TNIP1: variants seen among roughly 807,000 people sequenced by gnomAD.
The protein encoded by TNIP1 is TNFAIP3 interacting protein 1.
In TNIP1, 22 loss-of-function variants were observed where a neutral mutation model predicts 86.6. The observed-to-expected ratio is 0.25, with a 90% CI of 0.18 to 0.36. The LOEUF is 0.36. Among genes scored for constraint, TNIP1 ranks in the 10% least tolerant of loss-of-function variants. The pLI, the probability that TNIP1 is intolerant of heterozygous loss-of-function variation, is 1.00. For missense variants in TNIP1, 709 were observed against 820.6 expected (o/e 0.86, Z 1.66); for synonymous variants, 294 against 313.0 (o/e 0.94, Z 0.64).
intron 12 of TNIP1, among the ~76,000 whole-genome samples, chr5:151,038,830 G>A (rs930034624): frequency 2.7e-4 from 41 of 152,092 alleles, no homozygotes; most frequent in Middle Eastern, 3.2e-3. Context: ...GCAAGTGAGG[G>A]TAAAACAAAC....
intron 1 of TNIP1, among the ~76,000 whole-genome samples, chr5:151,076,896 G>A (rs984538598): frequency 3.9e-5 from 6 of 152,158 alleles, no homozygotes; most frequent in Non-Finnish European, 7.4e-5. Flanking sequence ...CTGAGTTTCC[G>A]CCACTCCAAA....
chr5:151,053,632 GT>G (rs1337936427), intron 6 of TNIP1, among the ~76,000 whole-genome samples: 1 of 152,234 alleles, frequency 6.6e-6, no homozygotes, highest in African/African-American at 2.4e-5. Context: ...AGCATACAGT[GT>G]CAGCACAGAG....
At chr5:151,039,292 C>T in intron 11 of TNIP1, 67 bp from the exon 12 acceptor site, 1 of 1,532,174 alleles carries the variant, frequency 6.5e-7, no homozygotes, top group East Asian at 2.3e-5. Context: ...GATTCTCTGT[C>T]CTGCCTGGCC....
At chr5:151,058,902 C>T (rs1761021756) in intron 5 of TNIP1, among the ~76,000 whole-genome samples, 1 of 152,218 alleles carries the variant, frequency 6.6e-6, no homozygotes, top group African/African-American at 2.4e-5. Flanking sequence ...GGAGGAATGG[C>T]AATGACTATA....
intron 1 of TNIP1, among the ~76,000 whole-genome samples, chr5:151,069,772 G>C (rs983670964): frequency 6.6e-6 from 1 of 152,188 alleles, no homozygotes. Flanking sequence ...GTCTATTCTA[G>C]TGTCTACTCT....
chr5:151,064,838 A>AG, intron 2 of TNIP1, 122 bp downstream of exon 2: 1 of 1,413,854 alleles, frequency 7.1e-7, no homozygotes, highest in Non-Finnish European at 9.8e-7. Flanking sequence ...CTGGGCCAGG[A>AG]GGGACAGGGG....
At chr5:151,039,660 C>G (rs1435175568) in intron 11 of TNIP1, among the ~76,000 whole-genome samples, 1 of 152,128 alleles carries the variant, frequency 6.6e-6, no homozygotes, top group Admixed American at 6.5e-5. Flanking sequence ...AAAGAAAAGC[C>G]ATAGTTCTGA....
chr5:151,036,798 T>C lies in TNIP1; in HGVS notation c.1387A>G (p.Lys463Glu), dbSNP rs1204277411. 5 of 1,613,950 alleles carry C rather than the reference T, an allele frequency of 3.1e-6. No homozygotes were observed. The highest frequency in any genetic ancestry group is 4.2e-6 in the Non-Finnish European group (5 of 1,179,946). ...QELVTQNELLKQQVKIFEEDF... is the reference protein window; with the variant it reads ...QELVTQNELLEQQVKIFEEDF... ...CCTCCCGGAAGCCTCACCTGCTGTT[T>C]CAGCAACTCATTCTGCGTGACCAGC... Residue 463 changes from lysine (K) to glutamate (E), a missense_variant, in exon 13 of 18, where the codon AAA (lysine) becomes GAA (glutamate). Coordinates refer to ENST00000521591, the MANE Select transcript of TNIP1 (RefSeq NM_006058.5).
chr5:151,052,827 C>T (rs871269), intron 6 of TNIP1, among the ~76,000 whole-genome samples: 56,991 of 152,002 alleles, frequency 0.37, 11,080 homozygotes, highest in East Asian at 0.56. Context: ...CCCTAACCAT[C>T]CTCTTGTTCA....
At chr5:151,039,889 C>T (rs914895801) in intron 11 of TNIP1, among the ~76,000 whole-genome samples, 5 of 152,192 alleles carry the variant, frequency 3.3e-5, no homozygotes, top group South Asian at 2.1e-4. Flanking sequence ...TTCCAGGAGG[C>T]GGTTCCATAC....
intron 1 of TNIP1, among the ~76,000 whole-genome samples, chr5:151,069,388 T>G (rs1022534794): frequency 1.2e-4 from 18 of 152,296 alleles, no homozygotes; most frequent in African/African-American, 4.3e-4. Context: ...AAATACTTCA[T>G]AGTGTCCCAA....
intron 8 of TNIP1, among the ~76,000 whole-genome samples, 172 bp downstream of exon 8, chr5:151,049,652 G>T (rs1759642111): frequency 6.6e-6 from 1 of 152,204 alleles, no homozygotes; most frequent in African/African-American, 2.4e-5. Context: ...ACTACCAGCA[G>T]CCTCTAAGCA....
chr5:151,076,037 C>A (rs528272353), intron 1 of TNIP1, among the ~76,000 whole-genome samples: 1 of 152,328 alleles, frequency 6.6e-6, no homozygotes, highest in South Asian at 2.1e-4. Context: ...GGGTGAGGTC[C>A]CTGGGAGAGA....
rs567943844 is a variant in TNIP1 at position 151,034,239 on chromosome 5, A to C, written c.1588-440T>G. On this transcript the variant is annotated intron_variant, in intron 15 of 17. Coordinates refer to ENST00000521591, the MANE Select transcript of TNIP1 (RefSeq NM_006058.5). ...GTACATGGACACGGAAGGCTGGTACATGGGCACGGAAAGCTAGTACATGGG... is the reference window on the plus strand; with the variant it reads ...GTACATGGACACGGAAGGCTGGTACCTGGGCACGGAAAGCTAGTACATGGG... Among the ~76,000 whole-genome samples the C allele has an allele frequency of 8.7e-5, 13 of 149,024 alleles. No homozygotes were observed. In the East Asian group the frequency reaches 2.2e-3, roughly 26 times the overall value.
chr5:151,066,608 G>A (rs1319050147), intron 1 of TNIP1, among the ~76,000 whole-genome samples: 1 of 152,206 alleles, frequency 6.6e-6, no homozygotes, highest in African/African-American at 2.4e-5. Context: ...TGCTTGAATC[G>A]CCTCCTTGTC....
chr5:151,065,150 CA>C lies in TNIP1; in HGVS notation c.-36-20del. 8 of 1,590,870 alleles carry C rather than the reference CA, an allele frequency of 5.0e-6. No individual in the cohort carries two copies. In the South Asian group the frequency reaches 7.8e-5, roughly 15 times the overall value. ...CGCCTGGCTGTAAGGACAACAGCAGCATATCAGCAGGCTGGCCAGGCCATGG... is the reference window on the plus strand; with the variant it reads ...CGCCTGGCTGTAAGGACAACAGCAGCTATCAGCAGGCTGGCCAGGCCATGG... On this transcript the variant is annotated intron_variant, in intron 1 of 17. Coordinates refer to ENST00000521591, the MANE Select transcript of TNIP1 (RefSeq NM_006058.5).
rs761765881 is a variant in TNIP1, at chr5:151,042,566, C to T, written c.1108G>A (p.Ala370Thr). 7 of 1,613,374 alleles carry T rather than the reference C, an allele frequency of 4.3e-6. No homozygotes were observed. The highest frequency in any genetic ancestry group is 5.9e-6 in the Non-Finnish European group (7 of 1,179,982). The change falls in exon 11 of 18, where the codon GCC becomes ACC. Residue 370 changes from alanine to threonine, a missense_variant. Transcript: ENST00000521591. The part of the protein sequence containing the change: ...QRDFDRKLLL[A>T]KSKIEMEETD... ...TCCTCCATTTCAATCTTGGACTTGGCCAGGAGGAGCTTGCGGTCAAAGTCA... is the reference window on the plus strand; with the variant it reads ...TCCTCCATTTCAATCTTGGACTTGGTCAGGAGGAGCTTGCGGTCAAAGTCA...
At chr5:151,079,945 T>C (rs1327895950) in intron 1 of TNIP1, 1 of 151,738 alleles carries the variant, frequency 6.6e-6, no homozygotes, top group African/African-American at 2.4e-5. Flanking sequence ...GAGAAAAAAA[T>C]GATGCATTAG....
intron 12 of TNIP1, among the ~76,000 whole-genome samples, chr5:151,037,774 T>G (rs1757902419): frequency 6.6e-6 from 1 of 152,084 alleles, no homozygotes; most frequent in South Asian, 2.1e-4. Flanking sequence ...CGAGGGGAGA[T>G]AGAGACCTGG....
Sources: allele counts gnomAD v4.1 joint callset (sites outside exome capture counted in the v4.1 genomes callset), GRCh38; gene constraint gnomAD v4.1.1; transcripts MANE v1.5; gene names NCBI Gene and HGNC (gene_info 2026-07-23, HGNC 2026-07-21).